The following STX6 variants were observed in gnomAD, a reference collection of about 807,000 sequenced individuals.
The protein encoded by STX6 is syntaxin 6, also known as syntaxin-6.
STX6 carries 23 observed loss-of-function variants against 38.0 expected under a neutral mutation model. The observed-to-expected ratio is 0.60, with a 90% CI of 0.43 to 0.86. The LOEUF is 0.86. Ranked by LOEUF, STX6 falls within the 40% of genes least tolerant of loss-of-function variation. The pLI is 0.00. For synonymous variants in STX6, 123 were observed against 107.5 expected (o/e 1.14, Z -0.89); for missense variants, 274 against 312.9 (o/e 0.88, Z 0.94).
chr1:180,990,245 G>A (rs1156906671), intron 4 of STX6, 136 bp from the exon 5 acceptor site: 1 of 1,052,784 alleles, frequency 9.5e-7, no homozygotes, highest in Admixed American at 2.6e-5. Flanking sequence ...TTTATGTAGT[G>A]GTGTAGGTTG....
rs1656711019 is a variant in STX6, at chr1:181,021,067, A to G, written c.35+1572T>C. ...AAGCCAATGTTCCGATAAAGTAGTG[A>G]TATTTAATCAGTGAGCAAGCATTAG... is the stretch of plus-strand genomic sequence containing the variant. On this transcript the variant is annotated intron_variant, in intron 1 of 7. Transcript: ENST00000258301. 2.0e-5 allele frequency among the ~76,000 whole-genome samples: 3 copies of G among 152,232 alleles called. No homozygotes were observed. The South Asian group carries it at 6.2e-4, about 31-fold the overall frequency.
At chr1:181,001,459 T>C (rs1216367629) in intron 3 of STX6, among the ~76,000 whole-genome samples, 1 of 152,256 alleles carries the variant, frequency 6.6e-6, no homozygotes, top group Non-Finnish European at 1.5e-5. Flanking sequence ...TGGGTATTAT[T>C]CTAAATAACT....
In STX6 at chr1:180,984,773, TAG is replaced by T. The variant is rs1211764823; in HGVS notation, c.597-4_597-3del. 3 of 1,489,024 alleles carry T rather than the reference TAG, an allele frequency of 2.0e-6. No individual in the cohort carries two copies. The East Asian group carries it at 6.8e-5, about 34-fold the overall frequency. The allele number at this position is 1,489,024 out of a possible 1,614,324, so 92.2% of individuals were successfully genotyped here. The stretch of plus-strand genomic sequence containing the variant: ...TCGTGAGAGAAATCTTCCAACATAC[TAG>T]AGAGAAGCAGACACAGAAGGTCGCT... On this transcript the variant is annotated splice_region_variant and splice_polypyrimidine_tract_variant and intron_variant, in intron 6 of 7. Transcript: ENST00000258301.
At chr1:180,996,198 T>TA (rs1215139910) in intron 3 of STX6, among the ~76,000 whole-genome samples, 1 of 151,800 alleles carries the variant, frequency 6.6e-6, no homozygotes, top group African/African-American at 2.4e-5. Context: ...ATAAAATAGA[T>TA]ACAAAAAAAG....
Position 180,976,399 on chromosome 1 carries a change from AGC to A in STX6, c.*169_*170del, listed in dbSNP as rs537165812. 92 of 629,730 alleles carry A rather than the reference AGC, an allele frequency of 1.5e-4. No homozygotes were observed. The highest frequency in any genetic ancestry group is 2.5e-4 in the Non-Finnish European group (89 of 353,050). The allele number at this position is 629,730 out of a possible 1,614,324, so 39.0% of individuals were successfully genotyped here. A position where few individuals can be genotyped will look rare whatever the true frequency, so the allele number is the denominator to read the frequency against. ...ATTTCCTCTTCCCACTGGCCCTTCC[AGC>A]GCTGGGATGGAGGAGCCATGTCAAT... On this transcript the variant is annotated 3_prime_UTR_variant, in exon 8 of 8. Transcript: ENST00000258301.
intron 7 of STX6, among the ~76,000 whole-genome samples, chr1:180,980,131 T>C (rs1041887724): frequency 1.4e-5 from 2 of 140,750 alleles, no homozygotes; most frequent in African/African-American, 5.3e-5. Flanking sequence ...CACTTGAGCC[T>C]GGAAGGCAAA....
chr1:181,002,526 T>G (rs1021622526), intron 3 of STX6, 80 bp downstream of exon 3: 7 of 978,340 alleles, frequency 7.2e-6, no homozygotes, highest in Non-Finnish European at 1.1e-5. Context: ...GGTGACCTAT[T>G]AGTTTACAAT....
intron 2 of STX6, among the ~76,000 whole-genome samples, chr1:181,004,032 A>G (rs1287655611): frequency 6.6e-6 from 1 of 152,220 alleles, no homozygotes. Context: ...GGACCTCTAT[A>G]TGATAATGAC....
intron 3 of STX6, among the ~76,000 whole-genome samples, chr1:180,994,937 C>A (rs1162524057): frequency 8.8e-6 from 1 of 113,526 alleles, no homozygotes; most frequent in African/African-American, 3.3e-5. Flanking sequence ...AAAATATGCA[C>A]AACCATATGT....
chr1:181,004,185 T>C (rs1236430818), intron 2 of STX6, among the ~76,000 whole-genome samples: 1 of 152,242 alleles, frequency 6.6e-6, no homozygotes, highest in Non-Finnish European at 1.5e-5. Context: ...GGTTAAGTGA[T>C]GAGCCCAAGT....
chr1:181,022,737 C>G lies in STX6; in HGVS notation c.-64G>C. 1.3e-6 allele frequency: 2 copies of G among 1,501,396 alleles called. No individual in the cohort carries two copies. The highest frequency in any genetic ancestry group is 9.1e-7 in the Non-Finnish European group (1 of 1,103,486). 93.0% of individuals were successfully genotyped at this position (1,501,396 alleles called of 1,614,324 possible). On this transcript the variant is annotated 5_prime_UTR_variant, in exon 1 of 8. Coordinates refer to ENST00000258301, the MANE Select transcript of STX6 (RefSeq NM_005819.6). ...CAGGGCGCCCGTGCCTCCCGGTCTCCCTCCGCCCACCCCGCCTGTTCCCGC... is the reference window on the plus strand; with the variant it reads ...CAGGGCGCCCGTGCCTCCCGGTCTCGCTCCGCCCACCCCGCCTGTTCCCGC...
intron 1 of STX6, among the ~76,000 whole-genome samples, chr1:181,017,980 T>A (rs1253731178): frequency 6.6e-6 from 1 of 152,182 alleles, no homozygotes; most frequent in Non-Finnish European, 1.5e-5. Flanking sequence ...TGTAGTGTGA[T>A]CATAAATATA....
intron 3 of STX6, among the ~76,000 whole-genome samples, chr1:181,002,214 G>A (rs115563902): frequency 0.013 from 2,028 of 151,108 alleles, 51 homozygotes; most frequent in African/African-American, 0.047. Context: ...GTACAGTGAC[G>A]TGATCATAGC....
Position 181,005,444 on chromosome 1 carries a change from T to C in STX6, c.55A>G (p.Asn19Asp). 1 of 1,613,810 alleles carries C rather than the reference T, an allele frequency of 6.2e-7. No homozygotes were observed. Among genetic ancestry groups the C allele is most frequent in the Non-Finnish European group, 8.5e-7 (1 of 1,179,828 alleles). The change falls in exon 2 of 8, where the codon AAC (asparagine) becomes GAC (aspartate). Residue 19 changes from asparagine to aspartate, a missense_variant. Asn to Asp is a conservative substitution (Grantham distance 23). Transcript: ENST00000258301. ...CTCTGAAACAATCCCTGGGCAGTGT[T>C]GACTGCTTTCTGTACCTCTCTGTAA... ...VVKGEVQKAV[N>D]TAQGLFQRWT...
chr1:180,995,343 C>A (rs536284567), intron 3 of STX6, among the ~76,000 whole-genome samples: 1 of 152,120 alleles, frequency 6.6e-6, no homozygotes, highest in African/African-American at 2.4e-5. Context: ...TTTAACAAGC[C>A]CCCTCCCCAT....
intron 7 of STX6, among the ~76,000 whole-genome samples, chr1:180,984,134 G>A (rs1655502717): frequency 6.7e-6 from 1 of 150,314 alleles, no homozygotes; most frequent in Admixed American, 6.7e-5. Flanking sequence ...AAACACGGTG[G>A]GGGATCACAA....
chr1:181,008,488 C>T (rs1571348475), intron 1 of STX6, among the ~76,000 whole-genome samples: 1 of 152,166 alleles, frequency 6.6e-6, no homozygotes, highest in Middle Eastern at 3.2e-3. Context: ...GAACATTTCA[C>T]ATTTGAGATG....
At chr1:181,005,733 C>A (rs1215817212) in intron 1 of STX6, among the ~76,000 whole-genome samples, 1 of 152,186 alleles carries the variant, frequency 6.6e-6, no homozygotes, top group Non-Finnish European at 1.5e-5. Context: ...ATATTTTTCT[C>A]TGAACAGACT....
chr1:180,990,372 A>C (rs1162813061), intron 4 of STX6, among the ~76,000 whole-genome samples: 1 of 152,190 alleles, frequency 6.6e-6, no homozygotes, highest in African/African-American at 2.4e-5. Flanking sequence ...CGTCTGCTAA[A>C]TCAACAAACA....
Sources: gnomAD v4.1 joint callset for allele counts (sites outside exome capture counted in the v4.1 genomes callset) on GRCh38, gnomAD v4.1.1 for gene constraint, MANE v1.5 for transcripts, NCBI Gene and HGNC (gene_info 2026-07-23, HGNC 2026-07-21) for gene names.